NPAS3: variants seen among roughly 807,000 people sequenced by gnomAD.
NPAS3 encodes the protein neuronal PAS domain-containing protein 3.
In NPAS3, 14 loss-of-function variants were observed where a neutral mutation model predicts 73.1. The ratio of observed to expected loss-of-function variants is 0.19; its 90% CI spans 0.13 to 0.30. The LOEUF (loss-of-function observed/expected upper bound fraction) is 0.30, where lower values mean the gene tolerates loss of function less well. Among genes scored for constraint, NPAS3 ranks in the 10% least tolerant of loss-of-function variants. NPAS3 has a pLI of 1.00. For synonymous variants in NPAS3, 620 were observed against 541.5 expected, an observed-to-expected ratio of 1.14 and a Z score of -2.01; for missense variants, 1,096 against 1,250.0, an observed-to-expected ratio of 0.88 and a Z score of 1.86.
intron 3 of NPAS3, among the ~76,000 whole-genome samples, chr14:33,280,773 A>G (rs1224443651): frequency 1.3e-5 from 2 of 152,186 alleles, no homozygotes; most frequent in African/African-American, 2.4e-5. Context: ...AAAGATAACT[A>G]TTGGTAACGC....
rs556729943 is a variant in NPAS3, at chr14:33,014,588, G to A, written c.51-41317G>A. On this transcript the variant is annotated intron_variant, in intron 1 of 11. Coordinates refer to ENST00000356141, the Ensembl canonical transcript of NPAS3. ...TAAATGACACATAATGAAAACTTAGGATATTAAAATAACAAGTCATATTTA... is the reference window on the plus strand; with the variant it reads ...TAAATGACACATAATGAAAACTTAGAATATTAAAATAACAAGTCATATTTA... Among the ~76,000 whole-genome samples, 19 of 152,192 alleles carry A rather than the reference G, an allele frequency of 1.2e-4. No individual in the cohort carries two copies. The South Asian group carries it at 3.9e-3, about 32-fold the overall frequency.
chr14:33,293,444 C>T lies in NPAS3; in HGVS notation c.386-73742C>T, dbSNP rs572398888. On this transcript the variant is annotated intron_variant, in intron 3 of 11. Coordinates refer to ENST00000356141, the Ensembl canonical transcript of NPAS3. Reference sequence around the variant, plus strand: ...ACAAGGAAGATACTGTTAAAACATTCTAAAAACATTTTCCAAAGAATATGT... The same window carrying T: ...ACAAGGAAGATACTGTTAAAACATTTTAAAAACATTTTCCAAAGAATATGT... Among the ~76,000 whole-genome samples, 9 of 152,160 alleles carry T rather than the reference C, an allele frequency of 5.9e-5. No individual in the cohort carries two copies. In the East Asian group the frequency reaches 1.4e-3, roughly 23 times the overall value.
intron 1 of NPAS3, among the ~76,000 whole-genome samples, chr14:32,967,862 A>G (rs1262904004): frequency 6.6e-6 from 1 of 152,156 alleles, no homozygotes; most frequent in African/African-American, 2.4e-5. Context: ...TGAAATTAAT[A>G]TGTTGAGGAG....
At chr14:33,466,646 T>A (rs550955644) in intron 4 of NPAS3, among the ~76,000 whole-genome samples, 1 of 152,250 alleles carries the variant, frequency 6.6e-6, no homozygotes, top group Non-Finnish European at 1.5e-5. Flanking sequence ...TAGCTTCTGC[T>A]CCTGGGGAGG....
chr14:33,719,344 A>G lies in NPAS3; in HGVS notation c.734-15870A>G, dbSNP rs2061042898. Among the ~76,000 whole-genome samples, 7 of 152,154 alleles carry G rather than the reference A, an allele frequency of 4.6e-5. No homozygotes were observed. The South Asian group carries it at 1.4e-3, about 32-fold the overall frequency. On this transcript the variant is annotated intron_variant, in intron 6 of 11. Coordinates refer to ENST00000356141, the Ensembl canonical transcript of NPAS3. ...GTTCCTTGATCCACCCAGTAAGCCTAAAAACAGATGTCAGAAATAGCTGTG... is the reference window on the plus strand; with the variant it reads ...GTTCCTTGATCCACCCAGTAAGCCTGAAAACAGATGTCAGAAATAGCTGTG...
At chr14:32,946,531 T>C (rs1408481795) in intron 1 of NPAS3, among the ~76,000 whole-genome samples, 1 of 152,188 alleles carries the variant, frequency 6.6e-6, no homozygotes, top group Non-Finnish European at 1.5e-5. Flanking sequence ...GGGTGTTCAT[T>C]GCAGAATATA....
chr14:33,175,903 T>A (rs979973254), intron 2 of NPAS3, among the ~76,000 whole-genome samples: 19 of 152,114 alleles, frequency 1.2e-4, no homozygotes, highest in African/African-American at 4.6e-4. Context: ...AGTATTTGAG[T>A]CTGGTTTTAA....
chr14:33,376,514 C>T (rs550364320), intron 4 of NPAS3, among the ~76,000 whole-genome samples: 1 of 152,126 alleles, frequency 6.6e-6, no homozygotes, highest in African/African-American at 2.4e-5. Context: ...GTCCTTCGTT[C>T]AATAGGTTGT....
intron 3 of NPAS3, among the ~76,000 whole-genome samples, chr14:33,326,389 T>G (rs748157549): frequency 1.3e-5 from 2 of 152,136 alleles, no homozygotes; most frequent in African/African-American, 2.4e-5. Flanking sequence ...AGCATCGTAT[T>G]TGGAGTCAGA....
chr14:33,098,981 G>A (rs1404441794), intron 2 of NPAS3, among the ~76,000 whole-genome samples: 1 of 152,218 alleles, frequency 6.6e-6, no homozygotes, highest in Non-Finnish European at 1.5e-5. Context: ...CTATGTTCCA[G>A]TAGCCAATCC....
chr14:33,252,488 T>C (rs1246282531), intron 3 of NPAS3, among the ~76,000 whole-genome samples: 1 of 152,034 alleles, frequency 6.6e-6, no homozygotes, highest in Admixed American at 6.6e-5. Flanking sequence ...ATCTTAATAA[T>C]TTAATATGCA....
At chr14:32,939,045 G>C (rs1342307495), upstream of NPAS3, among the ~76,000 whole-genome samples, 2 of 145,652 alleles carry the variant, frequency 1.4e-5, no homozygotes, top group East Asian at 2.0e-4. Flanking sequence ...GGCGGCGCGA[G>C]GGGACGGCCG....
chr14:33,800,548 G>C lies in NPAS3; in HGVS notation c.2241G>C (p.Leu747=). 2 of 1,350,328 alleles carry C rather than the reference G, an allele frequency of 1.5e-6. No homozygotes were observed. Among genetic ancestry groups the C allele is most frequent in the Non-Finnish European group, 1.9e-6 (2 of 1,058,992 alleles). The allele number at this position is 1,350,328 out of a possible 1,614,324, so 83.6% of individuals were successfully genotyped here. The change falls in exon 12 of 12, where the codon CTG becomes CTC. Residue 747 remains leucine (L), a synonymous_variant. Coordinates refer to ENST00000356141, the Ensembl canonical transcript of NPAS3. This position sits in a 1 kb window ranked among gnomAD's most constrained non-coding sequence, Gnocchi z 6.5. ...TGGCCCCCGTCGCCTCCGACCCGCT[G>C]TCACCCCCGCTCTCGGCGTCCCCGC...
chr14:33,069,482 T>C (rs1358043369), intron 2 of NPAS3, among the ~76,000 whole-genome samples: 19 of 152,158 alleles, frequency 1.2e-4, no homozygotes. Flanking sequence ...TAGGAGAATG[T>C]CAGTGTGGTG....
chr14:33,545,303 T>C (rs1291596068), intron 4 of NPAS3, among the ~76,000 whole-genome samples: 1 of 152,056 alleles, frequency 6.6e-6, no homozygotes, highest in Non-Finnish European at 1.5e-5. Context: ...TCCTTACGAG[T>C]AGATAAAACC....
chr14:32,988,342 T>C (rs1236173040), intron 1 of NPAS3, among the ~76,000 whole-genome samples: 2 of 152,244 alleles, frequency 1.3e-5, no homozygotes, highest in Non-Finnish European at 2.9e-5. Flanking sequence ...TTTAATCTTT[T>C]ATCTTCTCAG....
chr14:33,256,780 C>G (rs10145236), intron 3 of NPAS3, among the ~76,000 whole-genome samples: 34,766 of 151,986 alleles, frequency 0.23, 4,325 homozygotes, highest in Non-Finnish European at 0.28. Context: ...TTTTTTCCAG[C>G]ATAATCTTAA....
At chr14:33,575,809 C>T (rs1036208447) in intron 5 of NPAS3, among the ~76,000 whole-genome samples, 9 of 151,954 alleles carry the variant, frequency 5.9e-5, no homozygotes, top group African/African-American at 1.9e-4. Flanking sequence ...ATTTTGTTCA[C>T]GTCAAAGTAG....
rs77093236 is a variant in NPAS3 at position 33,630,767 on chromosome 14, C to T, written c.559-45444C>T. 1.6e-3 allele frequency among the ~76,000 whole-genome samples: 247 copies of T among 152,170 alleles called. 1 individual carries two copies. The highest frequency in any genetic ancestry group is 5.3e-3 in the African/African-American group (218 of 41,518). Reference sequence around the variant, plus strand: ...GAGAAGGGAGGGCTTGCTGTGACGTCGGGTTAAATATTCAAGGCTTTCTCC... The same window carrying T: ...GAGAAGGGAGGGCTTGCTGTGACGTTGGGTTAAATATTCAAGGCTTTCTCC... On this transcript the variant is annotated intron_variant, in intron 5 of 11. Transcript: ENST00000356141.
Sources: allele counts gnomAD v4.1 joint callset (sites outside exome capture counted in the v4.1 genomes callset), GRCh38; gene constraint gnomAD v4.1.1; non-coding constraint Gnocchi (gnomAD v3.1); transcripts MANE v1.5; gene names NCBI Gene and HGNC (gene_info 2026-07-23, HGNC 2026-07-21).